Variants in CADM2 observed in about 807,000 individuals in gnomAD.
The protein encoded by CADM2 is immunoglobulin superfamily member 4D.
In CADM2, 12 loss-of-function variants were observed where a neutral mutation model predicts 49.8. The ratio of observed to expected loss-of-function variants is 0.24; its 90% confidence interval spans 0.15 to 0.39. The LOEUF is 0.39. CADM2 is among the 10% of genes least tolerant of loss of function. The probability of loss-of-function intolerance (pLI) is 1.00; values close to 1 mark genes in which losing one functional copy is unlikely to be tolerated. For synonymous variants in CADM2, 214 were observed against 175.4 expected, an observed-to-expected ratio of 1.22 and a Z score of -1.74; for missense variants, 378 against 492.3, an observed-to-expected ratio of 0.77 and a Z score of 2.20.
chr3:85,756,980 G>A (rs1264194357), intron 2 of CADM2, among the ~76,000 whole-genome samples: 1 of 152,118 alleles, frequency 6.6e-6, no homozygotes, highest in Non-Finnish European at 1.5e-5. Context: ...TCACAACAGT[G>A]AAGTGATTCA....
chr3:85,331,830 A>G (rs1235357777), intron 1 of CADM2, among the ~76,000 whole-genome samples: 1 of 152,032 alleles, frequency 6.6e-6, no homozygotes, highest in African/African-American at 2.4e-5. Flanking sequence ...GGAGTGAGTG[A>G]TTCTTCTTTC....
chr3:85,853,673 A>T (rs1267437914), intron 3 of CADM2, among the ~76,000 whole-genome samples: 1 of 150,904 alleles, frequency 6.6e-6, no homozygotes, highest in Admixed American at 6.6e-5. Context: ...CTTCCATGAG[A>T]TGAAAAAAAA....
chr3:85,088,417 A>T (rs1382892152), intron 1 of CADM2, among the ~76,000 whole-genome samples: 1 of 152,134 alleles, frequency 6.6e-6, no homozygotes, highest in Non-Finnish European at 1.5e-5. Flanking sequence ...TAATAAGCAA[A>T]ACTTAAAAGT....
chr3:85,955,819 TA>T (rs546286941), intron 7 of CADM2, among the ~76,000 whole-genome samples: 1 of 151,408 alleles, frequency 6.6e-6, no homozygotes. Flanking sequence ...ATAGGTTTTC[TA>T]AAAAAAATCT....
At chr3:84,993,262 CATAGCTACT>C (rs1255216938) in intron 1 of CADM2, among the ~76,000 whole-genome samples, 1 of 152,068 alleles carries the variant, frequency 6.6e-6, no homozygotes, top group Non-Finnish European at 1.5e-5. Flanking sequence ...TAGGAGTGTG[CATAGCTACT>C]ATAGCCCATT....
At chr3:85,776,388 A>G (rs923995418) in intron 2 of CADM2, among the ~76,000 whole-genome samples, 9 of 151,498 alleles carry the variant, frequency 5.9e-5, no homozygotes, top group Non-Finnish European at 1.2e-4. Flanking sequence ...GAGAAAGATA[A>G]TGTTATTTTT....
chr3:86,020,665 A>T (rs1227522684), intron 8 of CADM2, among the ~76,000 whole-genome samples: 1 of 152,112 alleles, frequency 6.6e-6, no homozygotes, highest in Non-Finnish European at 1.5e-5. Flanking sequence ...CATCCCTGGG[A>T]TGCAAGGCTG....
At chr3:85,579,539 A>C (rs1486123803) in intron 1 of CADM2, among the ~76,000 whole-genome samples, 2 of 152,164 alleles carry the variant, frequency 1.3e-5, no homozygotes, top group Non-Finnish European at 2.9e-5. Flanking sequence ...TTAATGATAG[A>C]GTCAAGTTTG....
intron 1 of CADM2, among the ~76,000 whole-genome samples, chr3:85,183,319 A>G (rs1428202252): frequency 6.6e-6 from 1 of 152,184 alleles, no homozygotes; most frequent in Non-Finnish European, 1.5e-5. Flanking sequence ...TAAAAATAGA[A>G]CACATTTTGC....
At chr3:85,157,619 G>T (rs1363100824) in intron 1 of CADM2, among the ~76,000 whole-genome samples, 1 of 152,100 alleles carries the variant, frequency 6.6e-6, no homozygotes, top group African/African-American at 2.4e-5. Context: ...AATGGTGCTG[G>T]GAAAACTGGC....
intron 2 of CADM2, among the ~76,000 whole-genome samples, chr3:85,728,288 AT>A (rs2067787890): frequency 1.3e-5 from 2 of 152,030 alleles, no homozygotes; most frequent in African/African-American, 2.4e-5. Flanking sequence ...TAGCCATTTT[AT>A]TTGACTCTCC....
chr3:85,003,850 C>T (rs557537983), intron 1 of CADM2, among the ~76,000 whole-genome samples: 5 of 152,122 alleles, frequency 3.3e-5, no homozygotes, highest in Middle Eastern at 6.8e-3. Context: ...TAACTTATGG[C>T]CTTGAAATAG....
intron 1 of CADM2, among the ~76,000 whole-genome samples, chr3:85,326,988 C>T (rs897882637): frequency 5.3e-5 from 8 of 151,744 alleles, no homozygotes; most frequent in African/African-American, 1.9e-4. Flanking sequence ...TGAAATGTCT[C>T]TTATTCTACC....
intron 6 of CADM2, among the ~76,000 whole-genome samples, chr3:85,916,586 G>C (rs887896142): frequency 1.1e-4 from 17 of 152,050 alleles, no homozygotes; most frequent in South Asian, 4.2e-4. Context: ...GGACATTTGG[G>C]TTGGTTCCAA....
intron 1 of CADM2, among the ~76,000 whole-genome samples, chr3:85,261,987 C>T (rs1263262800): frequency 6.6e-6 from 1 of 152,064 alleles, no homozygotes; most frequent in African/African-American, 2.4e-5. Flanking sequence ...AGGTGAGACA[C>T]TTCCACATCT....
intron 2 of CADM2, among the ~76,000 whole-genome samples, chr3:85,795,177 C>CA (rs1417423823): frequency 6.6e-6 from 1 of 152,042 alleles, no homozygotes; most frequent in Non-Finnish European, 1.5e-5. Context: ...TACCTGGTAG[C>CA]ATACTAATTT....
intron 1 of CADM2, among the ~76,000 whole-genome samples, chr3:85,176,798 A>G (rs1406628498): frequency 1.3e-5 from 2 of 152,230 alleles, no homozygotes; most frequent in Non-Finnish European, 2.9e-5. Flanking sequence ...ATATAACACT[A>G]GAGTTGGCAG....
intron 8 of CADM2, among the ~76,000 whole-genome samples, chr3:86,026,640 C>T (rs1733938555): frequency 6.6e-6 from 1 of 152,126 alleles, no homozygotes; most frequent in East Asian, 1.9e-4. Context: ...TCCTTCAAAA[C>T]CTCATGAACT....
intron 1 of CADM2, among the ~76,000 whole-genome samples, chr3:85,311,378 TA>T (rs2044338519): frequency 6.7e-6 from 1 of 149,468 alleles, no homozygotes; most frequent in East Asian, 1.9e-4. Context: ...TTATTATTAT[TA>T]TTATTATTTT....
Sources: gnomAD v4.1 joint callset for allele counts (sites outside exome capture counted in the v4.1 genomes callset) on GRCh38, gnomAD v4.1.1 for gene constraint, MANE v1.5 for transcripts, NCBI Gene and HGNC (gene_info 2026-07-23, HGNC 2026-07-21) for gene names.